Variants in BARD1 observed in about 807,000 individuals in gnomAD.
BARD1 encodes the protein BRCA1 associated RING domain 1.
BARD1 carries 73 observed loss-of-function variants against 77.0 expected under a neutral mutation model. The observed-to-expected ratio is 0.95, with a 90% confidence interval of 0.79 to 1.15. BARD1 has a LOEUF of 1.15. BARD1 is among the 50% of genes most tolerant of loss of function. The pLI is 0.00. For missense variants in BARD1, 993 were observed against 938.8 expected (o/e 1.06, Z -0.75); for synonymous variants, 384 against 338.0 (o/e 1.14, Z -1.49).
At chr2:214,803,452 G>T (rs1696121787) in intron 1 of BARD1, among the ~76,000 whole-genome samples, 1 of 152,216 alleles carries the variant, frequency 6.6e-6, no homozygotes, top group African/African-American at 2.4e-5. Flanking sequence ...ACTGAGATAG[G>T]GAAAAACCGC....
At chr2:214,756,003 T>C (rs1272770197) in intron 6 of BARD1, among the ~76,000 whole-genome samples, 1 of 152,230 alleles carries the variant, frequency 6.6e-6, no homozygotes, top group East Asian at 1.9e-4. Flanking sequence ...TAATGCCTTA[T>C]CAACGGACAG....
In BARD1 at chr2:214,781,080, G is replaced by T; in HGVS notation, c.794C>A (p.Ser265Tyr). ...NGEIDLLASG[S>Y]LTESECFGSL... ...TCCAAAACATTCAGATTCTGTCAAGGAGCCACTTGCTAGTAAGTCTATTTC... is the reference window on the plus strand; with the variant it reads ...TCCAAAACATTCAGATTCTGTCAAGTAGCCACTTGCTAGTAAGTCTATTTC... Residue 265 changes from serine to tyrosine, a missense_variant, in exon 4 of 11, where the codon TCC (serine) becomes TAC (tyrosine). Physicochemically the swap from Ser to Tyr is moderately radical, Grantham distance 144. Coordinates refer to ENST00000260947, the MANE Select transcript of BARD1 (RefSeq NM_000465.4). The T allele has an allele frequency of 6.3e-7, 1 of 1,595,672 alleles. No individual in the cohort carries two copies. Among genetic ancestry groups the T allele is most frequent in the South Asian group, 1.1e-5 (1 of 87,166 alleles).
rs113789798 is a variant in BARD1 at position 214,728,537 on chromosome 2, C to CTTTTTTT, written c.*132_*138dup. 6.8e-6 allele frequency: 4 copies of CTTTTTTT among 588,316 alleles called. No individual in the cohort carries two copies. The highest frequency in any genetic ancestry group is 2.6e-5 in the South Asian group (1 of 38,334). 36.4% of individuals were successfully genotyped at this position (588,316 alleles called of 1,614,324 possible). ...CATGAATTCCTAATCTGGCATTAGA[C>CTTTTTTT]TTTTTTTTTTTTTTTGATTCAAAGA... is the stretch of plus-strand genomic sequence containing the variant. On this transcript the variant is annotated 3_prime_UTR_variant, in exon 11 of 11. Transcript: ENST00000260947.
intron 9 of BARD1, among the ~76,000 whole-genome samples, chr2:214,742,589 T>C (rs1340965773): frequency 6.6e-6 from 1 of 152,202 alleles, no homozygotes; most frequent in African/African-American, 2.4e-5. Context: ...GAGGATGTTA[T>C]TCACTACTGT....
intron 6 of BARD1, among the ~76,000 whole-genome samples, chr2:214,760,780 T>TTC (rs66600421): frequency 2.1e-5 from 2 of 93,602 alleles, no homozygotes; most frequent in East Asian, 1.2e-3. Flanking sequence ...GACTTTTTTC[T>TTC]TTTTTTTTTT....
intron 2 of BARD1, among the ~76,000 whole-genome samples, chr2:214,794,977 G>A (rs1360616031): frequency 1.3e-5 from 2 of 152,058 alleles, no homozygotes; most frequent in Non-Finnish European, 2.9e-5. Context: ...GAGTCCTTTA[G>A]AATCTGATTA....
rs184660818 is a variant in BARD1 at position 214,781,323 on chromosome 2, G to C, written c.551C>G (p.Ser184Cys). The change falls in exon 4 of 11, where the codon TCC becomes TGC. Residue 184 changes from serine to cysteine, a missense_variant. Physicochemically the swap from Ser to Cys is moderately radical, Grantham distance 112. Transcript: ENST00000260947. ...SAQQDSYEFV[S>C]PSPPADVSER... ...AGAAACATCTGCAGGAGGACTTGGG[G>C]AAACAAATTCATATGAGTCTTGCTG... 4 of 1,612,848 alleles carry C rather than the reference G, an allele frequency of 2.5e-6. No homozygotes were observed. The highest frequency in any genetic ancestry group is 3.4e-6 in the Non-Finnish European group (4 of 1,179,782).
intron 7 of BARD1, among the ~76,000 whole-genome samples, chr2:214,746,666 T>C (rs1477696177): frequency 1.3e-5 from 2 of 152,178 alleles, no homozygotes; most frequent in Non-Finnish European, 1.5e-5. Flanking sequence ...TCATCTTTCC[T>C]AGTCACTAAA....
intron 6 of BARD1, among the ~76,000 whole-genome samples, chr2:214,760,548 C>T (rs146507300): frequency 2.6e-5 from 4 of 152,218 alleles, no homozygotes; most frequent in African/African-American, 9.6e-5. Context: ...GATTACTTAG[C>T]CCTCTTATAC....
intron 3 of BARD1, among the ~76,000 whole-genome samples, chr2:214,789,157 A>G (rs947065737): frequency 1.3e-5 from 2 of 152,170 alleles, no homozygotes; most frequent in African/African-American, 2.4e-5. Flanking sequence ...TAATTTTTTA[A>G]GAAGGTCTAT....
At chr2:214,735,533 G>A (rs895459) in intron 9 of BARD1, among the ~76,000 whole-genome samples, 53,261 of 152,038 alleles carry the variant, frequency 0.35, 10,000 homozygotes, top group East Asian at 0.56. Flanking sequence ...AGGATTTACT[G>A]TTTATTACTT....
rs1693010257 is a variant in BARD1, at chr2:214,744,640, CTTTTTTTT to C, written c.1903+419_1903+426del. ...AATATGAGAAGCTTTTTCTTTTTTT[CTTTTTTTT>C]GAGACAGAGTCTCATTCTGTTGCCC... On this transcript the variant is annotated intron_variant, in intron 9 of 10. Coordinates refer to ENST00000260947, the MANE Select transcript of BARD1 (RefSeq NM_000465.4). Among the ~76,000 whole-genome samples the C allele has an allele frequency of 2.6e-5, 4 of 151,442 alleles. No individual in the cohort carries two copies. The South Asian group carries it at 8.4e-4, about 32-fold the overall frequency.
chr2:214,801,854 G>GC (rs922383120), intron 1 of BARD1, among the ~76,000 whole-genome samples: 2 of 148,974 alleles, frequency 1.3e-5, no homozygotes, highest in Non-Finnish European at 3.0e-5. Context: ...TTTGGCGGGG[G>GC]GGGGGGTTGT....
Position 214,781,341 on chromosome 2 carries a change from T to A in BARD1, c.533A>T (p.Asp178Val). The A allele has an allele frequency of 6.2e-7, 1 of 1,613,666 alleles. No individual in the cohort carries two copies. Among genetic ancestry groups the A allele is most frequent in the East Asian group, 2.2e-5 (1 of 44,862 alleles). The change falls in exon 4 of 11, where the codon GAC becomes GTC. Residue 178 changes from aspartate (D) to valine (V), a missense_variant. Asp to Val is a radical substitution (Grantham distance 152). Coordinates refer to ENST00000260947, the MANE Select transcript of BARD1 (RefSeq NM_000465.4). ...AIKKDASAQQ[D>V]SYEFVSPSPP... ...ACTTGGGGAAACAAATTCATATGAG[T>A]CTTGCTGAGCACTTGCATCTTTTTT...
At chr2:214,753,953 C>T (rs1408782427) in intron 6 of BARD1, among the ~76,000 whole-genome samples, 2 of 152,110 alleles carry the variant, frequency 1.3e-5, no homozygotes, top group African/African-American at 4.8e-5. Flanking sequence ...AGATATAATA[C>T]AGCGGATTGC....
intron 9 of BARD1, among the ~76,000 whole-genome samples, chr2:214,742,012 A>G (rs756680712): frequency 2.0e-4 from 30 of 152,178 alleles, no homozygotes; most frequent in Non-Finnish European, 3.7e-4. Context: ...ACTTGAATCT[A>G]TTTGGTTTAT....
At position 214,774,587 on chromosome 2, in the gene BARD1, C is replaced by T. The variant is rs144692672; in HGVS notation, c.1315-5275G>A. On this transcript the variant is annotated intron_variant, in intron 4 of 10. Transcript: ENST00000260947. ...CAAACCATGCTGTCAAGATGTGCTC[C>T]CACCCAGGCTTTGTTGTTCTAAATG... Among the ~76,000 whole-genome samples, 675 of 152,286 alleles carry T rather than the reference C, an allele frequency of 4.4e-3. 5 individuals carry two copies. Among genetic ancestry groups the T allele is most frequent in the Non-Finnish European group, 7.1e-3 (484 of 68,032 alleles).
chr2:214,780,444 C>G, intron 4 of BARD1, 116 bp downstream of exon 4: 1 of 892,206 alleles, frequency 1.1e-6, no homozygotes, highest in Non-Finnish European at 1.8e-6. Context: ...GAGGAAGTAT[C>G]ATGTCTGTGA....
intron 6 of BARD1, among the ~76,000 whole-genome samples, chr2:214,753,307 T>C (rs980877690): frequency 3.3e-5 from 5 of 152,204 alleles, no homozygotes; most frequent in Non-Finnish European, 7.4e-5. Flanking sequence ...CTTTCAATTA[T>C]AAGTAACTTG....
Sources: allele counts gnomAD v4.1 joint callset (sites outside exome capture counted in the v4.1 genomes callset), GRCh38; gene constraint gnomAD v4.1.1; transcripts MANE v1.5; gene names NCBI Gene and HGNC (gene_info 2026-07-23, HGNC 2026-07-21).